The following PRDM2 variants were observed in gnomAD, a reference collection of about 807,000 sequenced individuals.
PRDM2 encodes PR domain zinc finger protein 2.
Under a neutral mutation model 130.0 loss-of-function variants are expected in PRDM2, and 30 were observed. The observed-to-expected ratio is 0.23, with a 90% CI of 0.17 to 0.31. The LOEUF (loss-of-function observed/expected upper bound fraction) is 0.31. Among genes scored for constraint, PRDM2 ranks in the 10% least tolerant of loss-of-function variants. The probability of loss-of-function intolerance (pLI) is 1.00; values close to 1 mark genes in which losing one functional copy is unlikely to be tolerated. For missense variants in PRDM2, 2,011 were observed against 2,108.4 expected (o/e 0.95, Z 0.90); for synonymous variants, 871 against 782.4 (o/e 1.11, Z -1.89).
At chr1:13,709,662 C>A (rs80120978) in intron 1 of PRDM2, among the ~76,000 whole-genome samples, 1 of 152,178 alleles carries the variant, frequency 6.6e-6, no homozygotes, top group African/African-American at 2.4e-5. Context: ...CTTTCTAAGA[C>A]TCCTTTCCCA....
At chr1:13,730,250 G>C (rs1226339137) in intron 2 of PRDM2, among the ~76,000 whole-genome samples, 1 of 152,160 alleles carries the variant, frequency 6.6e-6, no homozygotes, top group Non-Finnish European at 1.5e-5. Context: ...TATTCTCCCA[G>C]TTGGCTCAAA....
chr1:13,707,812 A>T (rs1250122431), intron 1 of PRDM2, among the ~76,000 whole-genome samples: 1 of 151,326 alleles, frequency 6.6e-6, no homozygotes, highest in Non-Finnish European at 1.5e-5. Context: ...AGGAAAATTG[A>T]CAATAATTCT....
At position 13,780,364 on chromosome 1, in the gene PRDM2, TGTA is replaced by T; in HGVS notation, c.2572_2574del (p.Ser858del). 1 of 1,614,148 alleles carries T rather than the reference TGTA, an allele frequency of 6.2e-7. No individual in the cohort carries two copies. Among genetic ancestry groups the T allele is most frequent in the Non-Finnish European group, 8.5e-7 (1 of 1,180,020 alleles). On this transcript the variant is annotated inframe_deletion, in exon 8 of 10. Coordinates refer to ENST00000311066, the MANE Select transcript of PRDM2 (RefSeq NM_001393986.1). ...AGATCTCAGTGTGCATAAAAAGCAT[TGTA>T]GTGACTCTGAAGGCAAGGAATTCAA...
chr1:13,741,374 C>A (rs1371503683), intron 4 of PRDM2, among the ~76,000 whole-genome samples: 1 of 152,130 alleles, frequency 6.6e-6, no homozygotes, highest in Non-Finnish European at 1.5e-5. Context: ...ACCCCTTCAT[C>A]CTTGCAGATG....
intron 2 of PRDM2, among the ~76,000 whole-genome samples, chr1:13,730,380 A>G (rs1459210631): frequency 6.6e-6 from 1 of 152,214 alleles, no homozygotes; most frequent in Non-Finnish European, 1.5e-5. Flanking sequence ...ACTCTGTGAT[A>G]TCCTGGTGAC....
At chr1:13,783,364 C>CTTT (rs1346351741) in intron 8 of PRDM2, among the ~76,000 whole-genome samples, 1 of 152,132 alleles carries the variant, frequency 6.6e-6, no homozygotes, top group East Asian at 1.9e-4. Flanking sequence ...AAACATAGTC[C>CTTT]TTTAAAAAGG....
rs151171355 is a variant in PRDM2, at chr1:13,780,581, C to A, written c.2786C>A (p.Pro929Gln). Residue 929 changes from proline to glutamine, a missense_variant, in exon 8 of 10, where the codon CCG (proline) becomes CAG (glutamine). Pro to Gln is a moderately conservative substitution (Grantham distance 76, BLOSUM62 -1). This residue lies in a region of PRDM2 where 1,288 missense variants were observed against 1,237.7 expected (regional missense o/e 1.04). Transcript: ENST00000311066. ...LEAQPDPDLG[P>Q]GSGFPAPTVE... ...GCTCAGCCAGATCCTGACCTCGGTC[C>A]GGGCTCTGGTTTCCCTGCCCCTACT... 5.0e-6 allele frequency: 8 copies of A among 1,614,108 alleles called. No individual in the cohort carries two copies. The highest frequency in any genetic ancestry group is 6.8e-6 in the Non-Finnish European group (8 of 1,180,012).
At chr1:13,737,540 T>G (rs1643307767) in intron 4 of PRDM2, among the ~76,000 whole-genome samples, 2 of 152,182 alleles carry the variant, frequency 1.3e-5, no homozygotes, top group African/African-American at 4.8e-5. Flanking sequence ...AATGTGGTGA[T>G]GTCTGGTTTC....
chr1:13,770,739 T>G (rs35438834), intron 6 of PRDM2, among the ~76,000 whole-genome samples: 4,732 of 152,296 alleles, frequency 0.031, 147 homozygotes, highest in South Asian at 0.16. Context: ...CTGTTTGGGG[T>G]TACCTGAGGG....
chr1:13,728,398 C>T (rs1000038734), intron 2 of PRDM2, among the ~76,000 whole-genome samples: 1 of 152,174 alleles, frequency 6.6e-6, no homozygotes, highest in Non-Finnish European at 1.5e-5. Context: ...TTCAGAAGTC[C>T]AGCCCATGAA....
At chr1:13,811,633 G>C (rs1419069733) in intron 8 of PRDM2, among the ~76,000 whole-genome samples, 1 of 152,222 alleles carries the variant, frequency 6.6e-6, no homozygotes, top group Non-Finnish European at 1.5e-5. Context: ...GGATTCCACT[G>C]TCAGCAAGAC....
At chr1:13,752,651 T>C (rs1486055637) in intron 6 of PRDM2, among the ~76,000 whole-genome samples, 6 of 152,204 alleles carry the variant, frequency 3.9e-5, no homozygotes, top group Non-Finnish European at 7.3e-5. Context: ...TAGATTATAA[T>C]AGCAGAGTGT....
Position 13,806,978 on chromosome 1 carries a change from G to A in PRDM2, c.5037-9449G>A, listed in dbSNP as rs1414639023. On this transcript the variant is annotated intron_variant, in intron 8 of 9. Coordinates refer to ENST00000311066, the MANE Select transcript of PRDM2 (RefSeq NM_001393986.1). This position sits in a 1 kb window ranked among gnomAD's most constrained non-coding sequence, Gnocchi z 4.1. ...CCCAGGTCGTAGCCCACACACTGCCGTTTCCCATGTCACCTTTCCCTGTCT... is the reference window on the plus strand; with the variant it reads ...CCCAGGTCGTAGCCCACACACTGCCATTTCCCATGTCACCTTTCCCTGTCT... 3.9e-5 allele frequency among the ~76,000 whole-genome samples: 6 copies of A among 152,064 alleles called. No individual in the cohort carries two copies. The highest frequency in any genetic ancestry group is 1.2e-4 in the African/African-American group (5 of 41,376).
chr1:13,769,445 C>T (rs556924562), intron 6 of PRDM2, among the ~76,000 whole-genome samples: 1 of 152,314 alleles, frequency 6.6e-6, no homozygotes, highest in Non-Finnish European at 1.5e-5. Context: ...ACCCCTGGTT[C>T]TGCTTTCTGT....
intron 2 of PRDM2, among the ~76,000 whole-genome samples, chr1:13,719,004 C>G (rs1557597782): frequency 6.6e-6 from 1 of 152,130 alleles, no homozygotes; most frequent in Non-Finnish European, 1.5e-5. Flanking sequence ...CTGCAGTGAA[C>G]TAGGTGGGCA....
chr1:13,738,814 A>G (rs1643349371), intron 4 of PRDM2: 1 of 152,092 alleles, frequency 6.6e-6, no homozygotes, highest in South Asian at 2.1e-4. Flanking sequence ...GATACTGAAG[A>G]CCCGTTTTTG....
At chr1:13,744,532 T>C (rs1643545744) in intron 5 of PRDM2, among the ~76,000 whole-genome samples, 1 of 152,190 alleles carries the variant, frequency 6.6e-6, no homozygotes, top group Non-Finnish European at 1.5e-5. Flanking sequence ...TTTTGGCTTC[T>C]AGATATGTGA....
intron 9 of PRDM2, among the ~76,000 whole-genome samples, chr1:13,821,103 C>A (rs1438947604): frequency 6.6e-6 from 1 of 152,124 alleles, no homozygotes; most frequent in Non-Finnish European, 1.5e-5. Context: ...GTGTCTGGAG[C>A]TATCCCTTCA....
intron 3 of PRDM2, among the ~76,000 whole-genome samples, chr1:13,732,463 G>C (rs941036247): frequency 6.6e-6 from 1 of 152,100 alleles, no homozygotes; most frequent in Non-Finnish European, 1.5e-5. Flanking sequence ...CAGTTGTTGT[G>C]ACTGTGTTAT....
Sources: gnomAD v4.1 joint callset for allele counts (sites outside exome capture counted in the v4.1 genomes callset) on GRCh38, gnomAD v4.1.1 for gene constraint, gnomAD v4.1.1 regional missense constraint, Gnocchi (gnomAD v3.1) non-coding constraint, MANE v1.5 for transcripts, NCBI Gene and HGNC (gene_info 2026-07-23, HGNC 2026-07-21) for gene names.